Variants in SERBP1 observed in about 807,000 individuals in gnomAD.
The protein encoded by SERBP1 is SERPINE1 mRNA-binding protein 1.
In SERBP1, 6 loss-of-function variants were observed where a neutral mutation model predicts 50.2. That is an observed-to-expected ratio of 0.12 (90% CI 0.07 to 0.24). The LOEUF (loss-of-function observed/expected upper bound fraction) is 0.24. SERBP1 is among the 10% of genes least tolerant of loss of function. SERBP1 has a pLI of 1.00. For missense variants in SERBP1, 346 were observed against 524.9 expected, an observed-to-expected ratio of 0.66 and a Z score of 3.33; for synonymous variants, 168 against 182.8, an observed-to-expected ratio of 0.92 and a Z score of 0.65.
intron 6 of SERBP1, among the ~76,000 whole-genome samples, chr1:67,418,253 GGT>G (rs923911450): frequency 6.6e-6 from 1 of 151,970 alleles, no homozygotes; most frequent in African/African-American, 2.4e-5. Flanking sequence ...TGGGATTACA[GGT>G]GTGAGCCACT....
chr1:67,430,221 G>A lies in SERBP1; in HGVS notation c.80C>T (p.Pro27Leu). The change falls in exon 1 of 8, where the codon CCC becomes CTC. Residue 27 changes from proline (P) to leucine (L), a missense_variant. Around this residue, in one of 5 missense-constraint regions of SERBP1, gnomAD observed 13 missense variants for 40.8 expected, o/e 0.32. Coordinates refer to ENST00000361219, the MANE Select transcript of SERBP1 (RefSeq NM_001018069.2). The part of the protein sequence containing the change: ...FDQLFDDESD[P>L]FEVLKAAENK... ...CTCTGCTGCCTTCAGCACCTCGAAG[G>A]GGTCCGATTCGTCGTCAAATAACTG... 6.3e-7 allele frequency: 1 copy of A among 1,597,302 alleles called. No homozygotes were observed. Among genetic ancestry groups the A allele is most frequent in the Non-Finnish European group, 8.5e-7 (1 of 1,175,620 alleles).
At position 67,430,372 on chromosome 1, in the gene SERBP1, C is replaced by T. The variant is rs939815270; in HGVS notation, c.-72G>A. On this transcript the variant is annotated 5_prime_UTR_variant, in exon 1 of 8. Transcript: ENST00000361219. ...GCCGAGCCAAGAGCGCCTGCTTCAG[C>T]TCTTCCCACAAGATGGCCGGGCCGA... 5.5e-6 allele frequency: 8 copies of T among 1,445,782 alleles called. No homozygotes were observed. The highest frequency in any genetic ancestry group is 7.4e-6 in the Non-Finnish European group (8 of 1,081,992). 89.6% of individuals were successfully genotyped at this position (1,445,782 alleles called of 1,614,324 possible). A position where few individuals can be genotyped will look rare whatever the true frequency, so the allele number is the denominator to read the frequency against.
At chr1:67,417,791 G>T (rs1667063490) in intron 6 of SERBP1, among the ~76,000 whole-genome samples, 1 of 151,886 alleles carries the variant, frequency 6.6e-6, no homozygotes, top group African/African-American at 2.4e-5. Flanking sequence ...GATTACAGGT[G>T]TAAGCCACTG....
Position 67,409,434 on chromosome 1 carries a change from A to G in SERBP1, c.*3773T>C. Reference sequence around the variant, plus strand: ...ACACACACACACCCCCACACACACCAGGTCACAGGCTGAACTTTGCTGACC... The same window carrying G: ...ACACACACACACCCCCACACACACCGGGTCACAGGCTGAACTTTGCTGACC... On this transcript the variant is annotated 3_prime_UTR_variant, in exon 8 of 8. Coordinates refer to ENST00000361219, the MANE Select transcript of SERBP1 (RefSeq NM_001018069.2). The G allele has an allele frequency of 7.7e-6, 1 of 129,266 alleles. No individual in the cohort carries two copies. The highest frequency in any genetic ancestry group is 2.5e-4 in the South Asian group (1 of 4,048). 8.0% of individuals were successfully genotyped at this position (129,266 alleles called of 1,614,324 possible).
intron 6 of SERBP1, among the ~76,000 whole-genome samples, chr1:67,416,171 C>A (rs1468161925): frequency 6.6e-6 from 1 of 152,128 alleles, no homozygotes; most frequent in Non-Finnish European, 1.5e-5. Flanking sequence ...TGCCATGACA[C>A]CTGGCTAATT....
At position 67,408,671 on chromosome 1, in the gene SERBP1, A is replaced by G. The variant is rs1666714997; in HGVS notation, c.*4536T>C. 6.6e-6 allele frequency: 1 copy of G among 152,114 alleles called. No homozygotes were observed. Among genetic ancestry groups the G allele is most frequent in the Admixed American group, 6.6e-5 (1 of 15,264 alleles). 9.4% of individuals were successfully genotyped at this position (152,114 alleles called of 1,614,324 possible). A position where few individuals can be genotyped will look rare whatever the true frequency, so the allele number is the denominator to read the frequency against. Reference sequence around the variant, plus strand: ...ATGAAGTGTTCATAATTCTCATCTCATAGAAAAACCTCTTTGCACAACGCA... The same window carrying G: ...ATGAAGTGTTCATAATTCTCATCTCGTAGAAAAACCTCTTTGCACAACGCA... On this transcript the variant is annotated 3_prime_UTR_variant, in exon 8 of 8. Coordinates refer to ENST00000361219, the MANE Select transcript of SERBP1 (RefSeq NM_001018069.2).
Position 67,411,929 on chromosome 1 carries a change from T to C in SERBP1, c.*1278A>G, listed in dbSNP as rs961076009. On this transcript the variant is annotated 3_prime_UTR_variant, in exon 8 of 8. Transcript: ENST00000361219. ...GTGATGCTCCCATTATAGGAATCCA[T>C]TATTTACCTAATTTTCTAATGGAGG... 1 of 152,384 alleles carries C rather than the reference T, an allele frequency of 6.6e-6. No homozygotes were observed. Among genetic ancestry groups the C allele is most frequent in the Non-Finnish European group, 1.5e-5 (1 of 68,008 alleles). The allele number at this position is 152,384 out of a possible 1,614,324, so 9.4% of individuals were successfully genotyped here.
chr1:67,423,347 C>T (rs1399338916), intron 5 of SERBP1, among the ~76,000 whole-genome samples: 1 of 151,984 alleles, frequency 6.6e-6, no homozygotes, highest in African/African-American at 2.4e-5. Flanking sequence ...TGGCTCACGC[C>T]TGTAATCCCA....
At chr1:67,419,011 A>G (rs1667119575) in intron 6 of SERBP1, among the ~76,000 whole-genome samples, 1 of 152,202 alleles carries the variant, frequency 6.6e-6, no homozygotes, top group African/African-American at 2.4e-5. Context: ...GCACTGAAAC[A>G]TTCCTCTAAG....
In SERBP1 at chr1:67,424,969, G is replaced by A; in HGVS notation, c.614C>T (p.Ser205Leu). The change falls in exon 4 of 8, where the codon TCA becomes TTA. Residue 205 changes from serine (S) to leucine (L), a missense_variant. By Grantham distance (145) the Ser-to-Leu change is moderately radical. Transcript: ENST00000361219. ...RHSGSDRSSF[S>L]HYSGLKHEDK... The stretch of plus-strand genomic sequence containing the variant: ...CTCGTGCTTCAGGCCACTGTAATGT[G>A]AAAAAGAACTAACAAAACTGAGTTA... 1 of 1,612,848 alleles carries A rather than the reference G, an allele frequency of 6.2e-7. No individual in the cohort carries two copies.
Position 67,407,874 on chromosome 1 carries a change from A to C in SERBP1, c.*5333T>G, listed in dbSNP as rs1336747493. 1 of 152,220 alleles carries C rather than the reference A, an allele frequency of 6.6e-6. No homozygotes were observed. The highest frequency in any genetic ancestry group is 2.4e-5 in the African/African-American group (1 of 41,454). 9.4% of individuals were successfully genotyped at this position (152,220 alleles called of 1,614,324 possible). A position where few individuals can be genotyped will look rare whatever the true frequency, so the allele number is the denominator to read the frequency against. The stretch of plus-strand genomic sequence containing the variant: ...TTGGCTAATAGAACATTTTAGTCCC[A>C]ATCCAACAAAATTTTAGGCAAATGT... On this transcript the variant is annotated 3_prime_UTR_variant, in exon 8 of 8. Coordinates refer to ENST00000361219, the MANE Select transcript of SERBP1 (RefSeq NM_001018069.2).
At chr1:67,417,698 A>C (rs1193985460) in intron 6 of SERBP1, among the ~76,000 whole-genome samples, 1 of 151,918 alleles carries the variant, frequency 6.6e-6, no homozygotes, top group African/African-American at 2.4e-5. Context: ...TTTTTTGTAG[A>C]AACAGGGTTT....
rs1666716955 is a variant in SERBP1, at chr1:67,408,715, AT to A, written c.*4491del. 6.6e-6 allele frequency: 1 copy of A among 152,156 alleles called. No homozygotes were observed. Among genetic ancestry groups the A allele is most frequent in the African/African-American group, 2.4e-5 (1 of 41,436 alleles). The allele number at this position is 152,156 out of a possible 1,614,324, so 9.4% of individuals were successfully genotyped here. A position where few individuals can be genotyped will look rare whatever the true frequency, so the allele number is the denominator to read the frequency against. On this transcript the variant is annotated 3_prime_UTR_variant, in exon 8 of 8. Transcript: ENST00000361219. ...CAACGCAAAGGACTTACACAAAGGG[AT>A]CTGAGTCACTAAATGTGAAATACTA...
chr1:67,417,189 G>A (rs115474294), intron 6 of SERBP1: 334 of 152,264 alleles, frequency 2.2e-3, no homozygotes, highest in African/African-American at 7.5e-3. Context: ...GCAAGACCTT[G>A]TCTCAAAATA....
At position 67,412,846 on chromosome 1, in the gene SERBP1, A is replaced by G. The variant is rs1666885165; in HGVS notation, c.*361T>C. 5.4e-6 allele frequency: 1 copy of G among 183,596 alleles called. No homozygotes were observed. The highest frequency in any genetic ancestry group is 2.3e-5 in the African/African-American group (1 of 42,574). The allele number at this position is 183,596 out of a possible 1,614,324, so 11.4% of individuals were successfully genotyped here. A position where few individuals can be genotyped will look rare whatever the true frequency, so the allele number is the denominator to read the frequency against. On this transcript the variant is annotated 3_prime_UTR_variant, in exon 8 of 8. Transcript: ENST00000361219. ...ACTTCTAAATCCTTAATTAAAAAAC[A>G]CAAATGAAGTGAAAGCTTTAAACTG...
intron 5 of SERBP1, chr1:67,420,643 T>C (rs1667169994): frequency 6.5e-6 from 1 of 152,798 alleles, no homozygotes; most frequent in South Asian, 2.1e-4. Flanking sequence ...CAACCAGGGT[T>C]CAAATTTTGG....
intron 6 of SERBP1, 147 bp downstream of exon 6, chr1:67,419,862 T>C (rs1373259409): frequency 6.0e-6 from 4 of 670,916 alleles, no homozygotes; most frequent in African/African-American, 1.8e-5. Context: ...ACAGTTTATT[T>C]TCCTTATAAA....
chr1:67,415,069 TCTA>T (rs1366816975), intron 7 of SERBP1, 94 bp downstream of exon 7: 1 of 1,340,370 alleles, frequency 7.5e-7, no homozygotes, highest in Non-Finnish European at 1.0e-6. Flanking sequence ...TGCTACTACT[TCTA>T]CTTATGTTCC....
chr1:67,411,631 T>C lies in SERBP1; in HGVS notation c.*1576A>G, dbSNP rs1022921066. Reference sequence around the variant, plus strand: ...AGGTAACTGAGATTAATAAATCTTATCCAAAAAGTAACTCTTATAACATAA... The same window carrying C: ...AGGTAACTGAGATTAATAAATCTTACCCAAAAAGTAACTCTTATAACATAA... On this transcript the variant is annotated 3_prime_UTR_variant, in exon 8 of 8. Coordinates refer to ENST00000361219, the MANE Select transcript of SERBP1 (RefSeq NM_001018069.2). 15 of 152,204 alleles carry C rather than the reference T, an allele frequency of 9.9e-5. No homozygotes were observed. Among genetic ancestry groups the C allele is most frequent in the Non-Finnish European group, 2.1e-4 (14 of 68,022 alleles). 9.4% of individuals were successfully genotyped at this position (152,204 alleles called of 1,614,324 possible).
Sources: allele counts gnomAD v4.1 joint callset (sites outside exome capture counted in the v4.1 genomes callset), GRCh38; gene constraint gnomAD v4.1.1; regional missense constraint gnomAD v4.1.1; transcripts MANE v1.5; gene names NCBI Gene and HGNC (gene_info 2026-07-23, HGNC 2026-07-21).